Variants in HIVEP2 observed in about 807,000 individuals in gnomAD.
The protein encoded by HIVEP2 is transcription factor HIVEP2.
In HIVEP2, 14 loss-of-function variants were observed where a neutral mutation model predicts 180.7. That is an observed-to-expected ratio of 0.08 (90% CI 0.05 to 0.12). HIVEP2 has a LOEUF of 0.12. Ranked by LOEUF, HIVEP2 falls within the 10% of genes least tolerant of loss-of-function variation. HIVEP2 has a pLI of 1.00. For synonymous variants in HIVEP2, 1,184 were observed against 1,136.4 expected (o/e 1.04, Z -0.84); for missense variants, 2,579 against 3,008.5 (o/e 0.86, Z 3.34).
intron 2 of HIVEP2, among the ~76,000 whole-genome samples, chr6:142,804,611 C>T (rs1359004373): frequency 6.6e-6 from 1 of 152,006 alleles, no homozygotes; most frequent in Admixed American, 6.6e-5. Context: ...TGCCAGCATA[C>T]TTCTGTCAAC....
chr6:142,883,366 A>G (rs1485102927), intron 1 of HIVEP2, among the ~76,000 whole-genome samples: 9 of 152,044 alleles, frequency 5.9e-5, no homozygotes, highest in Non-Finnish European at 1.2e-4. Flanking sequence ...TCAGATTATC[A>G]AAATGAGGTT....
At chr6:142,866,694 G>A (rs55994331) in intron 1 of HIVEP2, among the ~76,000 whole-genome samples, 1 of 152,042 alleles carries the variant, frequency 6.6e-6, no homozygotes, top group African/African-American at 2.4e-5. Context: ...ACTGGGAAAA[G>A]GATAAATATA....
intron 2 of HIVEP2, among the ~76,000 whole-genome samples, chr6:142,831,037 A>C (rs1477763258): frequency 6.6e-6 from 1 of 152,256 alleles, no homozygotes; most frequent in Non-Finnish European, 1.5e-5. Context: ...TCTGGGTACA[A>C]ATGGCAAAGT....
At chr6:142,821,553 C>G (rs1769959809) in intron 2 of HIVEP2, among the ~76,000 whole-genome samples, 1 of 152,166 alleles carries the variant, frequency 6.6e-6, no homozygotes, top group African/African-American at 2.4e-5. Flanking sequence ...ATATTGTTAA[C>G]AGAATTATAC....
intron 1 of HIVEP2, among the ~76,000 whole-genome samples, chr6:142,921,503 C>G (rs1777682781): frequency 6.7e-6 from 1 of 150,022 alleles, no homozygotes. Flanking sequence ...CCACTGCACT[C>G]CAGCCTTGGT....
At chr6:142,829,993 T>A (rs1409437370) in intron 2 of HIVEP2, among the ~76,000 whole-genome samples, 1 of 152,174 alleles carries the variant, frequency 6.6e-6, no homozygotes, top group African/African-American at 2.4e-5. Context: ...AATTACAGTA[T>A]CATTATATAC....
At chr6:142,871,814 T>G (rs112107698) in intron 1 of HIVEP2, among the ~76,000 whole-genome samples, 22 of 152,114 alleles carry the variant, frequency 1.4e-4, no homozygotes, top group Admixed American at 1.3e-4. Context: ...AGGCATGAAA[T>G]GGTTAATTGA....
In HIVEP2 at chr6:142,772,084, G is replaced by T. The variant is rs1775560012; in HGVS notation, c.2655C>A (p.Asn885Lys). ...TCACTCGAATCTCAGGAACCTGGAT[G>T]TTGTGTTGCCGAACTAGCCTGGGCT... ...HTQPRLVRQH[N>K]IQVPEIRVTE... The change falls in exon 5 of 10, where the codon AAC becomes AAA. Residue 885 changes from asparagine to lysine, a missense_variant. Coordinates refer to ENST00000367603, the MANE Select transcript of HIVEP2 (RefSeq NM_006734.4). The surrounding 1 kb of genome is among the most constrained non-coding windows in gnomAD (Gnocchi z 4.9). 1 of 1,614,088 alleles carries T rather than the reference G, an allele frequency of 6.2e-7. No homozygotes were observed. The highest frequency in any genetic ancestry group is 1.7e-5 in the Admixed American group (1 of 59,998).
chr6:142,898,436 C>A (rs1777052557), intron 1 of HIVEP2, among the ~76,000 whole-genome samples: 1 of 152,046 alleles, frequency 6.6e-6, no homozygotes, highest in Non-Finnish European at 1.5e-5. Context: ...CCGAGGCGGG[C>A]AAATCACCTG....
intron 1 of HIVEP2, among the ~76,000 whole-genome samples, chr6:142,881,462 G>A (rs1776572287): frequency 6.6e-6 from 1 of 152,106 alleles, no homozygotes; most frequent in Non-Finnish European, 1.5e-5. Flanking sequence ...CAGTAAGAAT[G>A]GCCCTACACA....
chr6:142,940,771 G>A (rs944516158), intron 1 of HIVEP2, among the ~76,000 whole-genome samples: 1 of 152,188 alleles, frequency 6.6e-6, no homozygotes, highest in East Asian at 1.9e-4. Flanking sequence ...GGCACCAGTC[G>A]TAGTACTCTG....
chr6:142,760,451 A>G lies in HIVEP2; in HGVS notation c.5837T>C (p.Leu1946Ser), dbSNP rs1192114659. The G allele has an allele frequency of 6.2e-7, 1 of 1,614,182 alleles. No individual in the cohort carries two copies. The highest frequency in any genetic ancestry group is 1.7e-5 in the Admixed American group (1 of 60,022). The part of the protein sequence containing the change: ...TSPQPPRFSS[L>S]PVNVGAVPHG... ...GGGTACGGCGCCAACATTCACAGGC[A>G]AGGAGGAGAATCTAGGAGGCTGAGG... is the stretch of plus-strand genomic sequence containing the variant. Residue 1946 changes from leucine (L) to serine (S), a missense_variant, in exon 9 of 10, where the codon TTG becomes TCG. Coordinates refer to ENST00000367603, the MANE Select transcript of HIVEP2 (RefSeq NM_006734.4).
At chr6:142,798,224 G>A (rs966244208) in intron 2 of HIVEP2, among the ~76,000 whole-genome samples, 4 of 151,588 alleles carry the variant, frequency 2.6e-5, no homozygotes, top group African/African-American at 7.3e-5. Context: ...AGCTGAGATC[G>A]CGCCACTGCA....
At chr6:142,787,954 C>A (rs1457528282) in intron 2 of HIVEP2, among the ~76,000 whole-genome samples, 1 of 152,072 alleles carries the variant, frequency 6.6e-6, no homozygotes, top group Non-Finnish European at 1.5e-5. Flanking sequence ...GAGGCTGGGG[C>A]AAACTGAGTC....
chr6:142,875,081 A>G (rs1427040114), intron 1 of HIVEP2, among the ~76,000 whole-genome samples: 1 of 152,212 alleles, frequency 6.6e-6, no homozygotes, highest in African/African-American at 2.4e-5. Context: ...CATTTCTATG[A>G]AGTAAAAAAT....
In HIVEP2 at chr6:142,771,749, T is replaced by C; in HGVS notation, c.2990A>G (p.Gln997Arg). 2 of 1,614,206 alleles carry C rather than the reference T, an allele frequency of 1.2e-6. No individual in the cohort carries two copies. Among genetic ancestry groups the C allele is most frequent in the Non-Finnish European group, 1.7e-6 (2 of 1,180,040 alleles). Reference sequence around the variant, plus strand: ...CTCTGAATGCTTCCCAAACTCATCCTGCTTAGGAAGTGCAGAAAGCTTACT... The same window carrying C: ...CTCTGAATGCTTCCCAAACTCATCCCGCTTAGGAAGTGCAGAAAGCTTACT... ...ETSKLSALPKQDEFGKHSEFL... is the reference protein window; with the variant it reads ...ETSKLSALPKRDEFGKHSEFL... Residue 997 changes from glutamine (Q) to arginine (R), a missense_variant, in exon 5 of 10, where the codon CAG becomes CGG. By Grantham distance (43) the Gln-to-Arg change is conservative (BLOSUM62 1). This residue lies in a region of HIVEP2 where 523 missense variants were observed against 577.0 expected (regional missense o/e 0.91). Transcript: ENST00000367603. The surrounding 1 kb of genome is among the most constrained non-coding windows in gnomAD (Gnocchi z 5.4).
intron 1 of HIVEP2, among the ~76,000 whole-genome samples, chr6:142,929,751 G>T (rs968852999): frequency 6.6e-6 from 1 of 152,094 alleles, no homozygotes; most frequent in African/African-American, 2.4e-5. Flanking sequence ...ATTCAGGATT[G>T]GTTTCATTTA....
At chr6:142,878,191 C>T (rs1456090572) in intron 1 of HIVEP2, among the ~76,000 whole-genome samples, 1 of 152,154 alleles carries the variant, frequency 6.6e-6, no homozygotes, top group East Asian at 1.9e-4. Flanking sequence ...TCAAAATCCA[C>T]ATGACATTGG....
intron 9 of HIVEP2, among the ~76,000 whole-genome samples, chr6:142,754,133 C>T (rs1419554085): frequency 1.3e-5 from 2 of 152,070 alleles, no homozygotes; most frequent in African/African-American, 2.4e-5. Context: ...ATAAAGGTGT[C>T]GGCCTGTGAA....
Sources: allele counts gnomAD v4.1 joint callset (sites outside exome capture counted in the v4.1 genomes callset), GRCh38; gene constraint gnomAD v4.1.1; regional missense constraint gnomAD v4.1.1; non-coding constraint Gnocchi (gnomAD v3.1); transcripts MANE v1.5; gene names NCBI Gene and HGNC (gene_info 2026-07-23, HGNC 2026-07-21).